The following SPTSSB variants were observed in gnomAD, a reference collection of about 807,000 sequenced individuals.
SPTSSB encodes serine palmitoyltransferase small subunit B.
SPTSSB carries 6 observed loss-of-function variants against 7.7 expected under a neutral mutation model. The observed-to-expected ratio is 0.78, with a 90% confidence interval of 0.43 to 1.54. The LOEUF is 1.54. Ranked by LOEUF, SPTSSB falls within the 40% of genes most tolerant of loss-of-function variation. The pLI, the probability that SPTSSB is intolerant of heterozygous loss-of-function variation, is 0.01. For missense variants in SPTSSB, 91 were observed against 93.0 expected (o/e 0.98, Z 0.09); for synonymous variants, 28 against 29.7 (o/e 0.94, Z 0.19).
At chr3:161,362,460 G>T (rs1715051962) in intron 1 of SPTSSB, among the ~76,000 whole-genome samples, 1 of 151,874 alleles carries the variant, frequency 6.6e-6, no homozygotes, top group Non-Finnish European at 1.5e-5. Flanking sequence ...ACTACTTTTT[G>T]CTTTTCCTTC....
At chr3:161,364,273 C>A (rs1450256260) in intron 1 of SPTSSB, among the ~76,000 whole-genome samples, 2 of 152,090 alleles carry the variant, frequency 1.3e-5, no homozygotes, top group African/African-American at 4.8e-5. Flanking sequence ...GGCATGTGTG[C>A]TAGGCATCAC....
intron 1 of SPTSSB, among the ~76,000 whole-genome samples, chr3:161,366,616 C>A (rs1274860571): frequency 6.6e-6 from 1 of 151,928 alleles, no homozygotes; most frequent in Non-Finnish European, 1.5e-5. Flanking sequence ...GTAGCTCGTT[C>A]TTTTCTCTGT....
At chr3:161,368,588 G>A (rs1270707122) in intron 1 of SPTSSB, among the ~76,000 whole-genome samples, 1 of 151,720 alleles carries the variant, frequency 6.6e-6, no homozygotes, top group East Asian at 1.9e-4. Flanking sequence ...CACTACGCCC[G>A]GCTAATTTTT....
chr3:161,364,514 A>G (rs1377805277), intron 1 of SPTSSB, among the ~76,000 whole-genome samples: 1 of 152,118 alleles, frequency 6.6e-6, no homozygotes, highest in East Asian at 1.9e-4. Flanking sequence ...CATCTCATTT[A>G]GTTGGTAATA....
chr3:161,357,696 TA>T lies in SPTSSB; in HGVS notation c.-33+2105del, dbSNP rs561659245. Among the ~76,000 whole-genome samples the T allele has an allele frequency of 2.6e-3, 403 of 152,194 alleles. 1 individual carries two copies. The highest frequency in any genetic ancestry group is 9.4e-3 in the African/African-American group (390 of 41,512). On this transcript the variant is annotated intron_variant, in intron 2 of 2. Coordinates refer to ENST00000620149, the MANE Select transcript of SPTSSB (RefSeq NM_001040100.2). ...CATCCTGTATTACTCAGATTAGCCT[TA>T]AATCTAAGGACAACTGTTTTTAAAA...
At chr3:161,349,151 A>T (rs1422245645) in intron 2 of SPTSSB, among the ~76,000 whole-genome samples, 1 of 152,172 alleles carries the variant, frequency 6.6e-6, no homozygotes, top group Non-Finnish European at 1.5e-5. Context: ...CTTCGGAAAG[A>T]CTTTATTCTC....
chr3:161,363,550 A>G (rs1218088815), intron 1 of SPTSSB, among the ~76,000 whole-genome samples: 3 of 152,024 alleles, frequency 2.0e-5, no homozygotes, highest in Non-Finnish European at 2.9e-5. Flanking sequence ...GAAATAAAGT[A>G]TCCCCTGAGA....
At chr3:161,370,272 C>G (rs1002700954) in intron 1 of SPTSSB, among the ~76,000 whole-genome samples, 1 of 152,204 alleles carries the variant, frequency 6.6e-6, no homozygotes, top group South Asian at 2.1e-4. Context: ...AACTTCAAAT[C>G]TAGTCGAATT....
At chr3:161,366,331 A>C (rs1213377325) in intron 1 of SPTSSB, among the ~76,000 whole-genome samples, 1 of 152,224 alleles carries the variant, frequency 6.6e-6, no homozygotes, top group African/African-American at 2.4e-5. Flanking sequence ...TCGCGAGAGC[A>C]GGTGTTGGGT....
At chr3:161,357,671 C>T (rs962175750) in intron 2 of SPTSSB, among the ~76,000 whole-genome samples, 1 of 152,074 alleles carries the variant, frequency 6.6e-6, no homozygotes, top group African/African-American at 2.4e-5. Flanking sequence ...GAAAAAAGAG[C>T]ATCCTGTATT....
intron 2 of SPTSSB, 69 bp downstream of exon 2, chr3:161,359,733 G>A (rs28425747): frequency 0.012 from 11,774 of 985,026 alleles, 110 homozygotes; most frequent in Admixed American, 0.013. Context: ...TGTTAATGAC[G>A]CCATCTCACA....
intron 2 of SPTSSB, among the ~76,000 whole-genome samples, chr3:161,351,345 A>G (rs932429864): frequency 1.3e-5 from 2 of 152,200 alleles, no homozygotes; most frequent in Admixed American, 6.5e-5. Flanking sequence ...GTCCTAAACA[A>G]TGAAGCCGAT....
intron 2 of SPTSSB, among the ~76,000 whole-genome samples, chr3:161,349,814 T>C (rs890987888): frequency 1.3e-5 from 2 of 152,228 alleles, no homozygotes; most frequent in African/African-American, 4.8e-5. Flanking sequence ...AAAAGGTTAT[T>C]TCATAACTGG....
At chr3:161,363,856 A>G (rs775386510) in intron 1 of SPTSSB, among the ~76,000 whole-genome samples, 2 of 152,180 alleles carry the variant, frequency 1.3e-5, no homozygotes, top group Admixed American at 6.6e-5. Context: ...TACCACAAAC[A>G]TTTATTGGTC....
Position 161,345,259 on chromosome 3 carries a change from G to A in SPTSSB, c.*834C>T, listed in dbSNP as rs762562833. The A allele has an allele frequency of 1.3e-5, 2 of 152,446 alleles. No homozygotes were observed. The highest frequency in any genetic ancestry group is 2.9e-5 in the Non-Finnish European group (2 of 67,994). 9.4% of individuals were successfully genotyped at this position (152,446 alleles called of 1,614,324 possible). A position where few individuals can be genotyped will look rare whatever the true frequency, so the allele number is the denominator to read the frequency against. ...AGCCTATTTATTAGCTTGTCTTCCG[G>A]TGGCCCAATACATGCTTTTTTCCCT... On this transcript the variant is annotated 3_prime_UTR_variant, in exon 3 of 3. Transcript: ENST00000620149.
intron 2 of SPTSSB, among the ~76,000 whole-genome samples, chr3:161,350,523 AT>A (rs531797213): frequency 4.6e-4 from 68 of 149,066 alleles, no homozygotes; most frequent in Middle Eastern, 6.9e-3. Context: ...ACTCAGCTTC[AT>A]TTTTTTTTTG....
chr3:161,361,366 G>T (rs1715008770), intron 1 of SPTSSB, among the ~76,000 whole-genome samples: 1 of 152,108 alleles, frequency 6.6e-6, no homozygotes. Context: ...GCATCAGGAG[G>T]CAGGTTTTAA....
intron 2 of SPTSSB, among the ~76,000 whole-genome samples, chr3:161,349,133 A>G (rs1003942211): frequency 6.6e-6 from 1 of 152,212 alleles, no homozygotes; most frequent in Admixed American, 6.5e-5. Flanking sequence ...CCTTCTGAAT[A>G]TTAATGGCTT....
At chr3:161,367,513 T>G (rs1367085884) in intron 1 of SPTSSB, among the ~76,000 whole-genome samples, 2 of 152,228 alleles carry the variant, frequency 1.3e-5, no homozygotes, top group Non-Finnish European at 2.9e-5. Flanking sequence ...CTCACTAGTT[T>G]TATATTTCCA....
Sources: allele counts gnomAD v4.1 joint callset (sites outside exome capture counted in the v4.1 genomes callset), GRCh38; gene constraint gnomAD v4.1.1; transcripts MANE v1.5; gene names NCBI Gene and HGNC (gene_info 2026-07-23, HGNC 2026-07-21).